BMPR1B: variants seen among roughly 807,000 people sequenced by gnomAD.
The protein encoded by BMPR1B is bone morphogenetic protein receptor type 1B.
A neutral mutation model predicts 59.1 loss-of-function variants in BMPR1B; 12 were observed. That is an observed-to-expected ratio of 0.20 (90% CI 0.13 to 0.33). BMPR1B has a LOEUF of 0.33. BMPR1B is among the 10% of genes least tolerant of loss of function. The pLI is 1.00. For missense variants in BMPR1B, 550 were observed against 610.9 expected (o/e 0.90, Z 1.05); for synonymous variants, 237 against 207.3 (o/e 1.14, Z -1.23).
rs949698624 is a variant in BMPR1B, at chr4:95,149,879, G to T, written c.1252+956G>T. Among the ~76,000 whole-genome samples, 45 of 152,178 alleles carry T rather than the reference G, an allele frequency of 3.0e-4. 1 individual carries two copies. The highest frequency in any genetic ancestry group is 1.1e-3 in the African/African-American group (45 of 41,436). On this transcript the variant is annotated intron_variant, in intron 11 of 12. Transcript: ENST00000515059. ...TTTGTTTCAGAGTCCTCTTAAAGAT[G>T]AATTGAATTATTGTATCTGCTTCTG...
intron 2 of BMPR1B, among the ~76,000 whole-genome samples, chr4:94,951,950 A>G (rs765042713): frequency 6.6e-6 from 1 of 152,136 alleles, no homozygotes. Context: ...TTATTGGTCT[A>G]TTCAGGGATT....
At chr4:94,855,342 A>T (rs1725714641) in intron 1 of BMPR1B, among the ~76,000 whole-genome samples, 1 of 152,196 alleles carries the variant, frequency 6.6e-6, no homozygotes, top group South Asian at 2.1e-4. Context: ...GAGGTTAATT[A>T]TCTTGCTCAA....
At chr4:94,823,576 G>C (rs1286443572) in intron 1 of BMPR1B, among the ~76,000 whole-genome samples, 1 of 152,092 alleles carries the variant, frequency 6.6e-6, no homozygotes, top group African/African-American at 2.4e-5. Flanking sequence ...AACCAGGATT[G>C]CATACTAAGC....
chr4:95,114,297 AAGCCCCCTG>A (rs1199964912), intron 4 of BMPR1B, among the ~76,000 whole-genome samples: 3 of 152,094 alleles, frequency 2.0e-5, no homozygotes, highest in Non-Finnish European at 4.4e-5. Context: ...AAAGTTACTC[AAGCCCCCTG>A]AGCCTCAGTT....
chr4:95,116,945 C>T (rs1732113575), intron 6 of BMPR1B, among the ~76,000 whole-genome samples: 1 of 151,956 alleles, frequency 6.6e-6, no homozygotes, highest in Non-Finnish European at 1.5e-5. Flanking sequence ...GAAAATTATT[C>T]CTCCCAAGAA....
intron 3 of BMPR1B, among the ~76,000 whole-genome samples, chr4:95,004,565 G>T (rs759240076): frequency 6.6e-6 from 1 of 152,116 alleles, no homozygotes; most frequent in Non-Finnish European, 1.5e-5. Flanking sequence ...TTATATGGTT[G>T]AAACATAATT....
rs537359038 is a variant in BMPR1B at position 95,052,422 on chromosome 4, A to G, written c.-17-51986A>G. ...TGGTTGAGCTATTTTCAAATGAGAA[A>G]AAAGCTAATGAACTGAATATAACTG... On this transcript the variant is annotated intron_variant, in intron 3 of 12. Coordinates refer to ENST00000515059, the MANE Select transcript of BMPR1B (RefSeq NM_001203.3). 2.0e-5 allele frequency among the ~76,000 whole-genome samples: 3 copies of G among 152,332 alleles called. 1 individual carries two copies. Among genetic ancestry groups the G allele is most frequent in the Non-Finnish European group, 4.4e-5 (3 of 68,008 alleles).
Position 95,021,400 on chromosome 4 carries a change from G to A in BMPR1B, c.-18+25266G>A, listed in dbSNP as rs80009643. 4.7e-3 allele frequency among the ~76,000 whole-genome samples: 723 copies of A among 152,302 alleles called. 8 individuals are homozygous for A. The highest frequency in any genetic ancestry group is 0.016 in the African/African-American group (671 of 41,570). On this transcript the variant is annotated intron_variant, in intron 3 of 12. Coordinates refer to ENST00000515059, the MANE Select transcript of BMPR1B (RefSeq NM_001203.3). ...GATTTTAAAGAAGGTTTTTAACCTA[G>A]CATATTATTCAGGCTTTGGTTCATC...
chr4:95,115,550 A>C (rs978421216), intron 5 of BMPR1B, 135 bp from the exon 6 acceptor site: 2 of 761,732 alleles, frequency 2.6e-6, no homozygotes, highest in African/African-American at 3.5e-5. Flanking sequence ...AGAGGAGAAC[A>C]TATTTAAGGT....
chr4:94,919,259 A>G (rs143205531), intron 2 of BMPR1B, among the ~76,000 whole-genome samples: 259 of 152,288 alleles, frequency 1.7e-3, no homozygotes, highest in African/African-American at 5.8e-3. Context: ...TCCACGATGC[A>G]TTATATTCCC....
rs371417482 is a variant in BMPR1B, at chr4:94,869,866, C to G, written c.-182-5965C>G. On this transcript the variant is annotated intron_variant, in intron 1 of 12. Transcript: ENST00000515059. ...TAATGGTTGTAAGGAATAGAGGCACCACTTTCCCCCTTGAGGCCTGGTCAA... is the reference window on the plus strand; with the variant it reads ...TAATGGTTGTAAGGAATAGAGGCACGACTTTCCCCCTTGAGGCCTGGTCAA... Among the ~76,000 whole-genome samples the G allele has an allele frequency of 4.6e-5, 7 of 152,242 alleles. No homozygotes were observed. In the East Asian group the frequency reaches 1.4e-3, roughly 29 times the overall value.
At chr4:94,944,216 C>G (rs1158559744) in intron 2 of BMPR1B, among the ~76,000 whole-genome samples, 1 of 152,064 alleles carries the variant, frequency 6.6e-6, no homozygotes, top group Non-Finnish European at 1.5e-5. Flanking sequence ...CACTTCTGGT[C>G]TCAAGTGTTT....
intron 2 of BMPR1B, among the ~76,000 whole-genome samples, chr4:94,987,277 A>G (rs1721482490): frequency 6.8e-6 from 1 of 147,248 alleles, no homozygotes; most frequent in Non-Finnish European, 1.5e-5. Flanking sequence ...ATATACATAT[A>G]TAAAATGAAT....
intron 6 of BMPR1B, among the ~76,000 whole-genome samples, chr4:95,123,358 A>G (rs988414022): frequency 3.3e-5 from 5 of 152,150 alleles, no homozygotes; most frequent in Non-Finnish European, 5.9e-5. Context: ...CTTTATATAC[A>G]ACGAGTTATG....
intron 1 of BMPR1B, among the ~76,000 whole-genome samples, chr4:94,809,765 C>T (rs1723743608): frequency 6.6e-6 from 1 of 152,244 alleles, no homozygotes; most frequent in Non-Finnish European, 1.5e-5. Flanking sequence ...TAGCTTTCTA[C>T]AGCTTGCTCC....
At chr4:94,934,486 C>A (rs1729214976) in intron 2 of BMPR1B, among the ~76,000 whole-genome samples, 1 of 134,082 alleles carries the variant, frequency 7.5e-6, no homozygotes. Context: ...TCCTTCATTC[C>A]TAATTTCTCT....
chr4:94,896,177 T>C (rs915185965), intron 2 of BMPR1B, among the ~76,000 whole-genome samples: 1 of 151,962 alleles, frequency 6.6e-6, no homozygotes. Flanking sequence ...TATCTTTCTT[T>C]AGGAGTTTGA....
chr4:95,104,342 C>A, intron 3 of BMPR1B, 66 bp from the exon 4 acceptor site: 1 of 1,528,506 alleles, frequency 6.5e-7, no homozygotes, highest in African/African-American at 1.4e-5. Context: ...CTCATGTTTT[C>A]GTTTGAACAG....
chr4:95,116,621 CT>C (rs945802587), intron 6 of BMPR1B, among the ~76,000 whole-genome samples: 260 of 142,738 alleles, frequency 1.8e-3, no homozygotes, highest in Admixed American at 2.0e-3. Flanking sequence ...CTCTCTCTCT[CT>C]TTTTTTTTTT....
Sources: gnomAD v4.1 joint callset for allele counts (sites outside exome capture counted in the v4.1 genomes callset) on GRCh38, gnomAD v4.1.1 for gene constraint, MANE v1.5 for transcripts, NCBI Gene and HGNC (gene_info 2026-07-23, HGNC 2026-07-21) for gene names.